Variants in NUAK1 observed in about 807,000 individuals in gnomAD.
The protein encoded by NUAK1 is NUAK family kinase 1.
In NUAK1, 26 loss-of-function variants were observed where a neutral mutation model predicts 56.9. The ratio of observed to expected loss-of-function variants is 0.46; its 90% confidence interval spans 0.33 to 0.63. NUAK1 has a LOEUF of 0.63. Ranked by LOEUF, NUAK1 falls within the 30% of genes least tolerant of loss-of-function variation. NUAK1 has a pLI of 0.02. For synonymous variants in NUAK1, 337 were observed against 336.0 expected (o/e 1.00, Z -0.03); for missense variants, 727 against 876.1 (o/e 0.83, Z 2.15).
At position 106,072,995 on chromosome 12, in the gene NUAK1, T is replaced by C; in HGVS notation, c.580-152A>G. 6.5e-6 allele frequency: 5 copies of C among 775,188 alleles called. No individual in the cohort carries two copies. In the South Asian group the frequency reaches 9.2e-5, roughly 14 times the overall value. 48.0% of individuals were successfully genotyped at this position (775,188 alleles called of 1,614,324 possible). ...GCCATTTTCTCTCCAGCCCTGAGTC[T>C]TCATAAAGGACCACTCAGCCCAAGC... On this transcript the variant is annotated intron_variant, in intron 4 of 6. Coordinates refer to ENST00000261402, the MANE Select transcript of NUAK1 (RefSeq NM_014840.3).
chr12:106,100,452 A>G (rs1244697486), intron 2 of NUAK1, among the ~76,000 whole-genome samples: 1 of 152,128 alleles, frequency 6.6e-6, no homozygotes, highest in Admixed American at 6.5e-5. Flanking sequence ...TCTCCGCTTC[A>G]TTCAGATCTT....
At chr12:106,096,369 T>C (rs1218899306) in intron 2 of NUAK1, among the ~76,000 whole-genome samples, 3 of 152,108 alleles carry the variant, frequency 2.0e-5, no homozygotes, top group African/African-American at 7.2e-5. Flanking sequence ...GAAGGTCAAA[T>C]AGCTAACTTA....
chr12:106,130,124 G>A (rs2136484593), intron 1 of NUAK1, among the ~76,000 whole-genome samples: 1 of 152,260 alleles, frequency 6.6e-6, no homozygotes, highest in East Asian at 1.9e-4. Flanking sequence ...TGGGATTACA[G>A]GCATGCGCCA....
intron 1 of NUAK1, among the ~76,000 whole-genome samples, chr12:106,106,921 C>G (rs1052437759): frequency 2.0e-5 from 3 of 152,126 alleles, no homozygotes; most frequent in African/African-American, 7.2e-5. Context: ...GAAATTGGTA[C>G]CACTCAGTTC....
intron 2 of NUAK1, among the ~76,000 whole-genome samples, chr12:106,093,594 C>G (rs1228591698): frequency 1.3e-5 from 2 of 152,170 alleles, no homozygotes; most frequent in African/African-American, 4.8e-5. Context: ...CTGAGGGAAA[C>G]GCTGATGAGT....
chr12:106,132,207 T>A (rs2033084578), intron 1 of NUAK1, among the ~76,000 whole-genome samples: 1 of 152,244 alleles, frequency 6.6e-6, no homozygotes, highest in Admixed American at 6.5e-5. Flanking sequence ...TTTTCAGACA[T>A]TGCTCTGTAA....
At position 106,065,192 on chromosome 12, in the gene NUAK1, C is replaced by T. The variant is rs545085926; in HGVS notation, c.*1610G>A. The T allele has an allele frequency of 6.6e-6, 1 of 152,348 alleles. No homozygotes were observed. The highest frequency in any genetic ancestry group is 2.1e-4 in the South Asian group (1 of 4,832). The allele number at this position is 152,348 out of a possible 1,614,324, so 9.4% of individuals were successfully genotyped here. On this transcript the variant is annotated 3_prime_UTR_variant, in exon 7 of 7. Transcript: ENST00000261402. ...CTTGGCCAGCAGAATCTGAAGTCAT[C>T]CCAGAGACCAGGAAGTACAAACCTA...
At chr12:106,075,286 AACACACACACACACAC>A (rs370123170) in intron 4 of NUAK1, among the ~76,000 whole-genome samples, 1 of 133,928 alleles carries the variant, frequency 7.5e-6, no homozygotes, top group African/African-American at 2.9e-5. Context: ...AGTATTAATC[AACACACACACACACAC>A]ACACACACAC....
chr12:106,107,971 T>C (rs926680609), intron 1 of NUAK1, among the ~76,000 whole-genome samples: 2 of 152,222 alleles, frequency 1.3e-5, no homozygotes, highest in African/African-American at 4.8e-5. Flanking sequence ...TCTTATTCAC[T>C]GCTTTATTTA....
chr12:106,104,018 C>T (rs1272829327), intron 2 of NUAK1: 1 of 151,746 alleles, frequency 6.6e-6, no homozygotes, highest in African/African-American at 2.4e-5. Context: ...AGCATGAGAA[C>T]AAACTACATT....
intron 4 of NUAK1, among the ~76,000 whole-genome samples, chr12:106,075,048 AG>A (rs2032446719): frequency 6.6e-6 from 1 of 152,076 alleles, no homozygotes; most frequent in Non-Finnish European, 1.5e-5. Flanking sequence ...TGCGTGTGAG[AG>A]GCACCCGCTG....
chr12:106,093,785 T>C (rs2956406), intron 2 of NUAK1, among the ~76,000 whole-genome samples: 79,260 of 151,956 alleles, frequency 0.52, 21,197 homozygotes, highest in African/African-American at 0.67. Flanking sequence ...AGGAAGAGTC[T>C]TTTGTTGAGT....
At chr12:106,088,837 CCT>C (rs777578703) in intron 2 of NUAK1, among the ~76,000 whole-genome samples, 16 of 152,310 alleles carry the variant, frequency 1.1e-4, no homozygotes, top group South Asian at 6.2e-4. Flanking sequence ...GCCTGGGTCC[CCT>C]GTCCTCCCAT....
intron 2 of NUAK1, among the ~76,000 whole-genome samples, chr12:106,101,030 C>T (rs1028607877): frequency 1.3e-5 from 2 of 152,204 alleles, no homozygotes; most frequent in East Asian, 1.9e-4. Context: ...ATTGGCCTGT[C>T]GACCAACCGG....
intron 1 of NUAK1, among the ~76,000 whole-genome samples, chr12:106,125,870 C>T (rs999818599): frequency 2.0e-5 from 3 of 151,800 alleles, no homozygotes; most frequent in Middle Eastern, 3.2e-3. Flanking sequence ...AACACGTTCA[C>T]GGCTGGGCTT....
intron 2 of NUAK1, among the ~76,000 whole-genome samples, chr12:106,099,464 T>C (rs753201175): frequency 3.3e-5 from 5 of 152,194 alleles, no homozygotes; most frequent in Non-Finnish European, 7.3e-5. Flanking sequence ...GTAACCTCTA[T>C]GAAGACTGGG....
intron 2 of NUAK1, among the ~76,000 whole-genome samples, chr12:106,101,298 T>C (rs2032744576): frequency 1.3e-5 from 2 of 152,158 alleles, no homozygotes; most frequent in African/African-American, 2.4e-5. Flanking sequence ...AGGAGACCCA[T>C]ATGTCAGGGT....
chr12:106,114,814 G>A (rs1354727876), intron 1 of NUAK1, among the ~76,000 whole-genome samples: 1 of 152,200 alleles, frequency 6.6e-6, no homozygotes, highest in Non-Finnish European at 1.5e-5. Context: ...GCTGGCTCCA[G>A]TCACAGCCAA....
Position 106,084,239 on chromosome 12 carries a change from T to G in NUAK1, c.514-310A>C, listed in dbSNP as rs748002947. Among the ~76,000 whole-genome samples the G allele has an allele frequency of 5.6e-4, 85 of 152,198 alleles. 1 individual carries two copies. Among genetic ancestry groups the G allele is most frequent in the Non-Finnish European group, 3.5e-4 (24 of 68,036 alleles). ...TTTGTCGGAATGTAATTCCACTGTG[T>G]GAAAGCAATATAATCCCAGGCAGCA... On this transcript the variant is annotated intron_variant, in intron 3 of 6. Transcript: ENST00000261402.
Sources: gnomAD v4.1 joint callset for allele counts (sites outside exome capture counted in the v4.1 genomes callset) on GRCh38, gnomAD v4.1.1 for gene constraint, MANE v1.5 for transcripts, NCBI Gene and HGNC (gene_info 2026-07-23, HGNC 2026-07-21) for gene names.